Variants in TRRAP observed in about 807,000 individuals in gnomAD.
TRRAP encodes transformation/transcription domain associated protein, also known as transformation/transcription domain-associated protein.
TRRAP carries 41 observed loss-of-function variants against 438.8 expected under a neutral mutation model. The ratio of observed to expected loss-of-function variants is 0.09; its 90% CI spans 0.07 to 0.12. The LOEUF (loss-of-function observed/expected upper bound fraction) is 0.12. TRRAP is among the 10% of genes least tolerant of loss of function. The pLI, the probability that TRRAP is intolerant of heterozygous loss-of-function variation, is 1.00. For synonymous variants in TRRAP, 1,994 were observed against 1,962.9 expected (o/e 1.02, Z -0.42); for missense variants, 3,122 against 5,055.1 (o/e 0.62, Z 11.60).
intron 67 of TRRAP, among the ~76,000 whole-genome samples, chr7:98,995,107 C>T (rs1306761217): frequency 1.3e-5 from 2 of 152,146 alleles, no homozygotes; most frequent in East Asian, 1.9e-4. Flanking sequence ...GCCACACTGC[C>T]CTCCTGCCCT....
In TRRAP at chr7:98,994,410, A is replaced by G. The variant is rs899605287; in HGVS notation, c.10048-177A>G. ...TCAAAAGCGCCTGCTCCCATGTGGC[A>G]TGCACAGGCGTCCCGTTTCTTGCAC... On this transcript the variant is annotated intron_variant, in intron 66 of 72. Coordinates refer to ENST00000456197, the MANE Select transcript of TRRAP (RefSeq NM_001375524.1). The surrounding 1 kb of genome is among the most constrained non-coding windows in gnomAD (Gnocchi z 4.8). Among the ~76,000 whole-genome samples, 4 of 152,180 alleles carry G rather than the reference A, an allele frequency of 2.6e-5. No individual in the cohort carries two copies. The highest frequency in any genetic ancestry group is 9.7e-5 in the African/African-American group (4 of 41,440).
intron 6 of TRRAP, among the ~76,000 whole-genome samples, chr7:98,895,468 A>G (rs117645417): frequency 0.015 from 2,271 of 152,310 alleles, 28 homozygotes; most frequent in Admixed American, 0.028. Context: ...CTCTCGTTCC[A>G]TCCTATCAGG....
Position 98,899,683 on chromosome 7 carries a change from A to G in TRRAP, c.716A>G (p.Tyr239Cys). ...PIIVVLMYQL[Y>C]KLNIHNVVAE... is the part of the protein sequence containing the mutation. ...ATCTGGTATGTTTGCTTTTAGCTCT[A>G]CAAACTGAACATCCACAATGTTGTT... The change falls in exon 10 of 73, where the codon TAC becomes TGC. Residue 239 changes from tyrosine (Y) to cysteine (C), a missense_variant. Coordinates refer to ENST00000456197, the MANE Select transcript of TRRAP (RefSeq NM_001375524.1). The G allele has an allele frequency of 1.2e-6, 2 of 1,614,198 alleles. No individual in the cohort carries two copies. Among genetic ancestry groups the G allele is most frequent in the Non-Finnish European group, 8.5e-7 (1 of 1,180,026 alleles).
At position 99,004,459 on chromosome 7, in the gene TRRAP, A is replaced by G. The variant is rs1391737799; in HGVS notation, c.10535+44A>G. ...CAGGTGGAACTAACCCACGGCGCCC[A>G]TGGACATGGAGCCCCATGGGAGCTC... On this transcript the variant is annotated intron_variant, in intron 68 of 72. Transcript: ENST00000456197. 3.2e-6 allele frequency: 5 copies of G among 1,567,106 alleles called. No individual in the cohort carries two copies. In the South Asian group the frequency reaches 4.6e-5, roughly 14 times the overall value.
chr7:98,954,883 G>A (rs758088551), intron 40 of TRRAP, among the ~76,000 whole-genome samples: 4 of 152,182 alleles, frequency 2.6e-5, no homozygotes, highest in Non-Finnish European at 5.9e-5. Context: ...AGTTCAGCAC[G>A]GGCACGTAGT....
At chr7:98,893,667 C>A in intron 5 of TRRAP, 131 bp from the exon 6 acceptor site, 1 of 807,422 alleles carries the variant, frequency 1.2e-6, no homozygotes, top group Non-Finnish European at 2.0e-6. Flanking sequence ...CAACTGTGTT[C>A]TGTGAGCTGA....
At chr7:98,922,322 C>T (rs1402370869) in intron 21 of TRRAP, among the ~76,000 whole-genome samples, 8 of 152,216 alleles carry the variant, frequency 5.3e-5, no homozygotes, top group African/African-American at 1.7e-4. Flanking sequence ...TCTATCCAAA[C>T]GCAGCTCGCA....
At chr7:98,935,321 TGG>T (rs377323957) in intron 27 of TRRAP, among the ~76,000 whole-genome samples, 225 of 151,652 alleles carry the variant, frequency 1.5e-3, no homozygotes, top group Middle Eastern at 6.9e-3. Context: ...GGTATCAGAG[TGG>T]GTGAGAAAAA....
At chr7:98,917,096 G>A (rs951452404) in intron 19 of TRRAP, among the ~76,000 whole-genome samples, 1 of 152,174 alleles carries the variant, frequency 6.6e-6, no homozygotes, top group Non-Finnish European at 1.5e-5. Context: ...AAACTGTTTA[G>A]AGAATAGACC....
chr7:98,887,729 C>CAAAAAAA (rs34834746), intron 3 of TRRAP, among the ~76,000 whole-genome samples: 1 of 88,654 alleles, frequency 1.1e-5, no homozygotes, highest in Non-Finnish European at 2.0e-5. Flanking sequence ...AACTCCGTCT[C>CAAAAAAA]AAAAAAAAAA....
intron 33 of TRRAP, among the ~76,000 whole-genome samples, chr7:98,946,353 T>A (rs1791056278): frequency 6.6e-6 from 1 of 152,118 alleles, no homozygotes. Flanking sequence ...TGCCCTGAAT[T>A]TAAAACCTTA....
chr7:98,888,456 G>A (rs1240641536), intron 3 of TRRAP, among the ~76,000 whole-genome samples: 2 of 151,560 alleles, frequency 1.3e-5, no homozygotes, highest in African/African-American at 2.4e-5. Flanking sequence ...AGAATCACTT[G>A]GATCCTGGAG....
rs782709856 is a variant in TRRAP, at chr7:98,912,122, A to G, written c.2108A>G (p.Asn703Ser). Residue 703 changes from asparagine (N) to serine (S), a missense_variant, in exon 18 of 73, where the codon AAC (asparagine) becomes AGC (serine). Asn to Ser is a conservative substitution (Grantham distance 46, BLOSUM62 1). Around this residue, in one of 24 missense-constraint regions of TRRAP, gnomAD observed 149 missense variants for 302.8 expected, o/e 0.49. Coordinates refer to ENST00000456197, the MANE Select transcript of TRRAP (RefSeq NM_001375524.1). ...LLDRLPEMGS[N>S]VELSNLYLKL... is the part of the protein sequence containing the mutation. Reference sequence around the variant, plus strand: ...GATCGCCTGCCAGAAATGGGCTCCAACGTGGAGCTCTCCAACCTGTACCTC... The same window carrying G: ...GATCGCCTGCCAGAAATGGGCTCCAGCGTGGAGCTCTCCAACCTGTACCTC... 5.8e-5 allele frequency: 93 copies of G among 1,614,054 alleles called. No homozygotes were observed. The highest frequency in any genetic ancestry group is 7.7e-5 in the South Asian group (7 of 91,082).
chr7:98,961,546 T>C (rs1791892582), intron 46 of TRRAP, 72 bp downstream of exon 46: 1 of 1,550,780 alleles, frequency 6.4e-7, no homozygotes, highest in South Asian at 1.1e-5. Flanking sequence ...ATGAGAGCGC[T>C]TGTCCTCCAG....
Position 98,981,844 on chromosome 7 carries a change from G to A in TRRAP, c.8710G>A (p.Glu2904Lys), listed in dbSNP as rs763848356. 11 of 1,606,954 alleles carry A rather than the reference G, an allele frequency of 6.8e-6. No individual in the cohort carries two copies. Among genetic ancestry groups the A allele is most frequent in the Non-Finnish European group, 9.3e-6 (11 of 1,177,442 alleles). ...CGGATACCTGGCCATCTGCCACCCCGAGGAGCAGCAGCTCAGCTTCATCGA... is the reference window on the plus strand; with the variant it reads ...CGGATACCTGGCCATCTGCCACCCCAAGGAGCAGCAGCTCAGCTTCATCGA... ...YRGYLAICHP[E>K]EQQLSFIERL... The change falls in exon 59 of 73, where the codon GAG becomes AAG. Residue 2904 changes from glutamate to lysine, a missense_variant. By Grantham distance (56) the Glu-to-Lys change is moderately conservative. Coordinates refer to ENST00000456197, the MANE Select transcript of TRRAP (RefSeq NM_001375524.1).
At chr7:98,943,800 G>A (rs2116578297) in intron 31 of TRRAP, among the ~76,000 whole-genome samples, 1 of 152,300 alleles carries the variant, frequency 6.6e-6, no homozygotes, top group South Asian at 2.1e-4. Context: ...AGTGAAACAT[G>A]ACAGCAGTAT....
chr7:98,965,641 C>T, intron 48 of TRRAP, 55 bp from the exon 49 acceptor site: 1 of 1,608,468 alleles, frequency 6.2e-7, no homozygotes, highest in Non-Finnish European at 8.5e-7. Context: ...TAGTGGCTGC[C>T]TGTTTAAATC....
At chr7:98,901,215 C>T (rs1796452472) in intron 11 of TRRAP, among the ~76,000 whole-genome samples, 1 of 152,254 alleles carries the variant, frequency 6.6e-6, no homozygotes, top group African/African-American at 2.4e-5. Flanking sequence ...CTGGTGAGGG[C>T]TTTCTTCCTG....
rs768510851 is a variant in TRRAP at position 98,976,105 on chromosome 7, C to T, written c.7840-44C>T. Reference sequence around the variant, plus strand: ...TTCTGAGCGTGGTTGTGCGAGGCACCCCCAGCCCGTGGCCATCTCAGCCTG... The same window carrying T: ...TTCTGAGCGTGGTTGTGCGAGGCACTCCCAGCCCGTGGCCATCTCAGCCTG... On this transcript the variant is annotated intron_variant, in intron 53 of 72. Transcript: ENST00000456197. This position sits in a 1 kb window ranked among gnomAD's most constrained non-coding sequence, Gnocchi z 4.6. 6.2e-6 allele frequency: 10 copies of T among 1,609,374 alleles called. No homozygotes were observed. Among genetic ancestry groups the T allele is most frequent in the Admixed American group, 1.7e-5 (1 of 59,858 alleles).
Sources: gnomAD v4.1 joint callset for allele counts (sites outside exome capture counted in the v4.1 genomes callset) on GRCh38, gnomAD v4.1.1 for gene constraint, gnomAD v4.1.1 regional missense constraint, Gnocchi (gnomAD v3.1) non-coding constraint, MANE v1.5 for transcripts, NCBI Gene and HGNC (gene_info 2026-07-23, HGNC 2026-07-21) for gene names.